CCDC92: variants seen among roughly 807,000 people sequenced by gnomAD.
CCDC92 encodes the protein coiled-coil domain containing 92.
A neutral mutation model predicts 24.9 loss-of-function variants in CCDC92; 12 were observed. The ratio of observed to expected loss-of-function variants is 0.48; its 90% CI spans 0.31 to 0.78. The LOEUF (loss-of-function observed/expected upper bound fraction) is 0.78, where lower values mean the gene tolerates loss of function less well. Ranked by LOEUF, CCDC92 falls within the 30% of genes least tolerant of loss-of-function variation. The pLI, the probability that CCDC92 is intolerant of heterozygous loss-of-function variation, is 0.05. For missense variants in CCDC92, 399 were observed against 439.4 expected (o/e 0.91, Z 0.82); for synonymous variants, 193 against 196.3 (o/e 0.98, Z 0.14).
rs573611312 is a variant in CCDC92, at chr12:123,944,227, CCCAGCTT to C, written c.34+38_34+44del. 2.8e-5 allele frequency: 36 copies of C among 1,286,674 alleles called. No individual in the cohort carries two copies. The African/African-American group carries it at 4.7e-4, about 17-fold the overall frequency. The allele number at this position is 1,286,674 out of a possible 1,614,324, so 79.7% of individuals were successfully genotyped here. ...TCCCCAATGCTTGGCCCCTCCCAGCCCCAGCTTCCAGCATCTGATGCTCACTCAGGGC... is the reference window on the plus strand; with the variant it reads ...TCCCCAATGCTTGGCCCCTCCCAGCCCCAGCATCTGATGCTCACTCAGGGC... On this transcript the variant is annotated intron_variant, in intron 2 of 4. Transcript: ENST00000238156.
At chr12:123,948,228 AT>A (rs1179850100) in intron 1 of CCDC92, among the ~76,000 whole-genome samples, 2 of 152,176 alleles carry the variant, frequency 1.3e-5, no homozygotes, top group Non-Finnish European at 2.9e-5. Flanking sequence ...AGATGTCAGT[AT>A]TTTCTTCTAC....
At chr12:123,972,254 G>A (rs898394976) in intron 1 of CCDC92, among the ~76,000 whole-genome samples, 6 of 151,890 alleles carry the variant, frequency 4.0e-5, no homozygotes, top group Admixed American at 2.6e-4. Context: ...GGGGGTCGCC[G>A]AGCCTCAGGG....
intron 1 of CCDC92, chr12:123,971,960 G>T (rs1956556844): frequency 6.6e-6 from 1 of 152,340 alleles, no homozygotes; most frequent in African/African-American, 2.4e-5. Flanking sequence ...TCCCCGGGTG[G>T]TAACAAGCAT....
At chr12:123,954,914 CCATA>C (rs1348171435) in intron 1 of CCDC92, among the ~76,000 whole-genome samples, 2 of 152,176 alleles carry the variant, frequency 1.3e-5, no homozygotes, top group Non-Finnish European at 2.9e-5. Context: ...GGGGCGATGC[CCATA>C]CAGTGTCAAC....
At chr12:123,962,612 T>C (rs528306060) in intron 1 of CCDC92, 51 of 153,882 alleles carry the variant, frequency 3.3e-4, no homozygotes, top group African/African-American at 8.4e-4. Flanking sequence ...AAGTCAACAA[T>C]TGATGCTGCG....
At chr12:123,955,409 T>A (rs1031601643) in intron 1 of CCDC92, among the ~76,000 whole-genome samples, 2 of 152,224 alleles carry the variant, frequency 1.3e-5, no homozygotes, top group African/African-American at 4.8e-5. Context: ...TCATCATTCA[T>A]CCTAATGAAA....
intron 1 of CCDC92, chr12:123,968,049 A>G (rs757517871): frequency 6.6e-6 from 1 of 152,268 alleles, no homozygotes; most frequent in Non-Finnish European, 1.5e-5. Context: ...CCATTTATTA[A>G]AAGTTTTCTT....
intron 1 of CCDC92, among the ~76,000 whole-genome samples, chr12:123,953,046 A>AT (rs958258295): frequency 6.2e-4 from 95 of 152,300 alleles, no homozygotes; most frequent in Admixed American, 1.6e-3. Flanking sequence ...GTAAAATGAG[A>AT]TTTTTTGTAT....
At chr12:123,955,492 C>T (rs1255464130) in intron 1 of CCDC92, among the ~76,000 whole-genome samples, 4 of 152,206 alleles carry the variant, frequency 2.6e-5, no homozygotes, top group African/African-American at 7.2e-5. Flanking sequence ...GATGTGTTCC[C>T]TTGCTTTAAA....
chr12:123,949,053 G>C (rs947033657), intron 1 of CCDC92, among the ~76,000 whole-genome samples: 5 of 152,174 alleles, frequency 3.3e-5, no homozygotes, highest in African/African-American at 1.2e-4. Flanking sequence ...TTCAGTATCA[G>C]AGATGCTTTA....
At chr12:123,960,151 TA>T (rs1247273033) in intron 1 of CCDC92, among the ~76,000 whole-genome samples, 1 of 152,248 alleles carries the variant, frequency 6.6e-6, no homozygotes, top group Admixed American at 6.5e-5. Flanking sequence ...TGTTCCCTGC[TA>T]TTTCCCAGCC....
Position 123,937,406 on chromosome 12 carries a change from C to G in CCDC92, c.648G>C (p.Pro216=). The stretch of plus-strand genomic sequence containing the variant: ...CGAATCTGTAGACCTCTTCAAATTC[C>G]GGGTGCAAGGGGGCTGAGAGGCTCT... ...MKKSLSAPLH[P]EFEEVYRFGA... Residue 216 remains proline, a synonymous_variant, in exon 5 of 5, where the codon CCG becomes CCC. Transcript: ENST00000238156. This position sits in a 1 kb window ranked among gnomAD's most constrained non-coding sequence, Gnocchi z 8.4. The G allele has an allele frequency of 6.2e-7, 1 of 1,613,830 alleles. No homozygotes were observed. Among genetic ancestry groups the G allele is most frequent in the Middle Eastern group, 1.6e-4 (1 of 6,062 alleles).
intron 1 of CCDC92, among the ~76,000 whole-genome samples, chr12:123,951,001 G>A (rs1262929434): frequency 1.3e-5 from 2 of 152,076 alleles, no homozygotes; most frequent in African/African-American, 4.8e-5. Context: ...GTCAACACTC[G>A]GGTCCTCTAG....
chr12:123,937,316 A>C lies in CCDC92; in HGVS notation c.738T>G (p.Phe246Leu). Residue 246 changes from phenylalanine (F) to leucine (L), a missense_variant, in exon 5 of 5, where the codon TTT becomes TTG. Coordinates refer to ENST00000238156, the MANE Select transcript of CCDC92 (RefSeq NM_025140.3). The surrounding 1 kb of genome is among the most constrained non-coding windows in gnomAD (Gnocchi z 8.4). ...CCTCGGCGGACTCCCTAGCCAGCAG[A>C]AATGGGGTGGGGTCGGGCATAGCAT... ...PVDAMPDPTP[F>L]LLARESAEVH... 1 of 1,613,686 alleles carries C rather than the reference A, an allele frequency of 6.2e-7. No homozygotes were observed. The highest frequency in any genetic ancestry group is 8.5e-7 in the Non-Finnish European group (1 of 1,180,020).
intron 1 of CCDC92, among the ~76,000 whole-genome samples, chr12:123,953,121 T>A (rs7964945): frequency 0.14 from 20,998 of 152,064 alleles, 1,495 homozygotes; most frequent in Non-Finnish European, 0.14. Context: ...TTTGGACTCA[T>A]CCAAATGCGG....
At chr12:123,968,749 A>G (rs181698100) in intron 1 of CCDC92, among the ~76,000 whole-genome samples, 2 of 152,264 alleles carry the variant, frequency 1.3e-5, no homozygotes, top group African/African-American at 4.8e-5. Flanking sequence ...AAAGCATGAG[A>G]CAAACTCATC....
intron 4 of CCDC92, among the ~76,000 whole-genome samples, chr12:123,941,255 C>G (rs1955675017): frequency 6.6e-6 from 1 of 152,158 alleles, no homozygotes; most frequent in Admixed American, 6.5e-5. Context: ...TCCCACAGGC[C>G]CAGCTCCCAG....
chr12:123,942,627 C>G lies in CCDC92; in HGVS notation c.223+117G>C, dbSNP rs987465045. On this transcript the variant is annotated intron_variant, in intron 4 of 4. Transcript: ENST00000238156. ...CTTCTCTTAGAGAGCTCAGGCCACA[C>G]GCATAACTCTTCCCAGCAAGAGCAT... is the stretch of plus-strand genomic sequence containing the variant. 4.8e-6 allele frequency: 4 copies of G among 828,312 alleles called. No homozygotes were observed. The Admixed American group carries it at 5.2e-5, about 11-fold the overall frequency. The allele number at this position is 828,312 out of a possible 1,614,324, so 51.3% of individuals were successfully genotyped here.
intron 1 of CCDC92, chr12:123,966,657 A>C (rs1207701322): frequency 6.6e-6 from 1 of 152,202 alleles, no homozygotes; most frequent in African/African-American, 2.4e-5. Context: ...CCTTCTAACT[A>C]AACTCAGTTT....
Sources: gnomAD v4.1 joint callset for allele counts (sites outside exome capture counted in the v4.1 genomes callset) on GRCh38, gnomAD v4.1.1 for gene constraint, Gnocchi (gnomAD v3.1) non-coding constraint, MANE v1.5 for transcripts, NCBI Gene and HGNC (gene_info 2026-07-23, HGNC 2026-07-21) for gene names.